Variants in PTPRM observed in about 807,000 individuals in gnomAD.
PTPRM encodes protein tyrosine phosphatase receptor type M.
In PTPRM, 47 loss-of-function variants were observed where a neutral mutation model predicts 186.7. The ratio of observed to expected loss-of-function variants is 0.25; its 90% CI spans 0.20 to 0.32. PTPRM has a LOEUF of 0.32. Ranked by LOEUF, PTPRM falls within the 10% of genes least tolerant of loss-of-function variation. The pLI, the probability that PTPRM is intolerant of heterozygous loss-of-function variation, is 1.00. For missense variants in PTPRM, 1,494 were observed against 1,865.0 expected, an observed-to-expected ratio of 0.80 and a Z score of 3.66; for synonymous variants, 668 against 674.9, an observed-to-expected ratio of 0.99 and a Z score of 0.16.
At chr18:7,948,339 A>G (rs186780275) in intron 5 of PTPRM, among the ~76,000 whole-genome samples, 3 of 152,262 alleles carry the variant, frequency 2.0e-5, no homozygotes, top group Admixed American at 6.5e-5. Context: ...AGCACATACA[A>G]GAGAGAGAAC....
chr18:7,663,864 C>CA (rs1241737063), intron 1 of PTPRM, among the ~76,000 whole-genome samples: 3 of 152,190 alleles, frequency 2.0e-5, no homozygotes, highest in Non-Finnish European at 2.9e-5. Flanking sequence ...TCAGTGCCCC[C>CA]ATGGGACTAG....
rs202118900 is a variant in PTPRM, at chr18:7,783,745, ATT to A, written c.196+9477_196+9478del. On this transcript the variant is annotated intron_variant, in intron 2 of 32. Coordinates refer to ENST00000580170, the MANE Select transcript of PTPRM (RefSeq NM_001105244.2). Reference sequence around the variant, plus strand: ...TGCCACCATGCCTGGCTAATTTTTAATTTTGTGTGTGTGTGTGTGTGTGTGTG... The same window carrying A: ...TGCCACCATGCCTGGCTAATTTTTAATTGTGTGTGTGTGTGTGTGTGTGTG... Among the ~76,000 whole-genome samples the A allele has an allele frequency of 7.7e-3, 737 of 95,670 alleles. 4 individuals carry two copies. Among genetic ancestry groups the A allele is most frequent in the African/African-American group, 0.033 (691 of 20,700 alleles). The allele number at this position is 95,670 out of a possible 152,430, so 62.8% of individuals were successfully genotyped here.
At chr18:7,948,062 T>C (rs2052665102) in intron 5 of PTPRM, among the ~76,000 whole-genome samples, 1 of 151,638 alleles carries the variant, frequency 6.6e-6, no homozygotes, top group Middle Eastern at 3.4e-3. Context: ...CTTGAGGTCT[T>C]TGTCCATTGT....
intron 19 of PTPRM, among the ~76,000 whole-genome samples, chr18:8,255,582 C>T (rs2094566849): frequency 6.6e-6 from 1 of 151,648 alleles, no homozygotes; most frequent in Non-Finnish European, 1.5e-5. Flanking sequence ...GAGAGGACTG[C>T]CAAAAAGTGA....
intron 4 of PTPRM, among the ~76,000 whole-genome samples, chr18:7,924,220 G>C (rs1300223571): frequency 2.0e-5 from 3 of 152,206 alleles, no homozygotes; most frequent in Non-Finnish European, 2.9e-5. Context: ...GGCCCACACA[G>C]TGGTGGTGAT....
chr18:7,627,666 C>T (rs984532930), intron 1 of PTPRM, among the ~76,000 whole-genome samples: 5 of 152,132 alleles, frequency 3.3e-5, no homozygotes, highest in South Asian at 2.1e-4. Context: ...GAAAATTCGG[C>T]GGGCACCAGA....
chr18:7,916,732 A>G (rs1302168745), intron 4 of PTPRM, among the ~76,000 whole-genome samples: 2 of 152,194 alleles, frequency 1.3e-5, no homozygotes, highest in African/African-American at 2.4e-5. Flanking sequence ...ATGTATAATG[A>G]TCAAGTCAGG....
intron 22 of PTPRM, among the ~76,000 whole-genome samples, chr18:8,341,914 C>T (rs1338433249): frequency 3.3e-5 from 5 of 152,334 alleles, no homozygotes; most frequent in South Asian, 2.1e-4. Flanking sequence ...ATGGCACGCA[C>T]ATGCCAAGGG....
intron 1 of PTPRM, among the ~76,000 whole-genome samples, chr18:7,732,952 T>C (rs1252249661): frequency 6.6e-6 from 1 of 152,216 alleles, no homozygotes; most frequent in Non-Finnish European, 1.5e-5. Flanking sequence ...CAATATAGGC[T>C]AGACATACTG....
intron 19 of PTPRM, among the ~76,000 whole-genome samples, chr18:8,291,761 G>A (rs1347880025): frequency 6.6e-6 from 1 of 151,522 alleles, no homozygotes; most frequent in Non-Finnish European, 1.5e-5. Context: ...TAATTGCATA[G>A]TAAAGTTACA....
intron 10 of PTPRM, 30 bp downstream of exon 10, chr18:8,085,902 A>T: frequency 6.3e-7 from 1 of 1,589,834 alleles, no homozygotes; most frequent in Admixed American, 1.7e-5. Flanking sequence ...TGTGTCTTTT[A>T]TCAGAAGTAA....
At chr18:8,392,161 A>T (rs2095816861) in intron 31 of PTPRM, among the ~76,000 whole-genome samples, 1 of 152,132 alleles carries the variant, frequency 6.6e-6, no homozygotes, top group South Asian at 2.1e-4. Context: ...CTAGATGTGG[A>T]TTTTTTAAAA....
intron 1 of PTPRM, among the ~76,000 whole-genome samples, chr18:7,749,915 G>A (rs2041131610): frequency 6.6e-6 from 1 of 152,192 alleles, no homozygotes; most frequent in Non-Finnish European, 1.5e-5. Flanking sequence ...AGTTAAGCAA[G>A]TGGGATAAAA....
chr18:7,963,713 C>T (rs2053831962), intron 7 of PTPRM, among the ~76,000 whole-genome samples: 1 of 152,200 alleles, frequency 6.6e-6, no homozygotes. Context: ...GGGGAAGAAT[C>T]ACAGAACCGT....
intron 23 of PTPRM, among the ~76,000 whole-genome samples, chr18:8,350,954 G>C (rs1188028027): frequency 6.6e-6 from 1 of 152,200 alleles, no homozygotes; most frequent in African/African-American, 2.4e-5. Flanking sequence ...TCTAGTCGCA[G>C]GGGTCTACTG....
rs2095588083 is a variant in PTPRM at position 8,360,128 on chromosome 18, T to C, written c.3055-10762T>C. ...TAGATAGAGCCTTTACACAACTGCGTTCAGACTAACAAAGTGGCAAAGACA... is the reference window on the plus strand; with the variant it reads ...TAGATAGAGCCTTTACACAACTGCGCTCAGACTAACAAAGTGGCAAAGACA... On this transcript the variant is annotated intron_variant, in intron 23 of 32. Transcript: ENST00000580170. 3.3e-5 allele frequency among the ~76,000 whole-genome samples: 5 copies of C among 152,348 alleles called. No individual in the cohort carries two copies. The South Asian group carries it at 1.0e-3, about 32-fold the overall frequency.
At chr18:7,809,243 C>T (rs1453754218) in intron 2 of PTPRM, among the ~76,000 whole-genome samples, 5 of 152,118 alleles carry the variant, frequency 3.3e-5, no homozygotes, top group Non-Finnish European at 7.4e-5. Flanking sequence ...GCTCTCTCTC[C>T]AGGGCTTGGC....
chr18:8,049,737 A>AATCT (rs1210893449), intron 7 of PTPRM, among the ~76,000 whole-genome samples: 1 of 150,936 alleles, frequency 6.6e-6, no homozygotes, highest in Non-Finnish European at 1.5e-5. Context: ...TTTGAGATGA[A>AATCT]ATCTTGCACT....
At chr18:7,842,245 A>G (rs1198564172) in intron 2 of PTPRM, among the ~76,000 whole-genome samples, 2 of 152,238 alleles carry the variant, frequency 1.3e-5, no homozygotes, top group East Asian at 3.9e-4. Flanking sequence ...ATTATGTGAG[A>G]ACAATAGGTA....
Sources: gnomAD v4.1 joint callset for allele counts (sites outside exome capture counted in the v4.1 genomes callset) on GRCh38, gnomAD v4.1.1 for gene constraint, MANE v1.5 for transcripts, NCBI Gene and HGNC (gene_info 2026-07-23, HGNC 2026-07-21) for gene names.